The following BCR variants were observed in gnomAD, a reference collection of about 807,000 sequenced individuals.
BCR encodes the protein breakpoint cluster region protein.
Under a neutral mutation model 138.6 loss-of-function variants are expected in BCR, and 58 were observed. That is an observed-to-expected ratio of 0.42 (90% CI 0.34 to 0.52). The LOEUF (loss-of-function observed/expected upper bound fraction) is 0.52, where lower values mean the gene tolerates loss of function less well. BCR is among the 20% of genes least tolerant of loss of function. The pLI is 0.06. For missense variants in BCR, 1,599 were observed against 1,727.2 expected (o/e 0.93, Z 1.32); for synonymous variants, 786 against 730.1 (o/e 1.08, Z -1.23).
At chr22:23,219,358 C>T (rs531552750) in intron 1 of BCR, among the ~76,000 whole-genome samples, 1 of 152,152 alleles carries the variant, frequency 6.6e-6, no homozygotes, top group Non-Finnish European at 1.5e-5. Context: ...ACAAAGCCTC[C>T]CCCCGGATCC....
rs2073352027 is a variant in BCR, at chr22:23,261,181, A to G, written c.1566+127A>G. On this transcript the variant is annotated intron_variant, in intron 3 of 22. Transcript: ENST00000305877. ...GTGCAGCTCGCCATCCCTGGAGTGGATACCAGTGGAAGACTGAGTTGCCAA... is the reference window on the plus strand; with the variant it reads ...GTGCAGCTCGCCATCCCTGGAGTGGGTACCAGTGGAAGACTGAGTTGCCAA... 1.7e-6 allele frequency: 2 copies of G among 1,205,494 alleles called. No individual in the cohort carries two copies. The highest frequency in any genetic ancestry group is 2.4e-6 in the Non-Finnish European group (2 of 841,472). The allele number at this position is 1,205,494 out of a possible 1,614,324, so 74.7% of individuals were successfully genotyped here. A position where few individuals can be genotyped will look rare whatever the true frequency, so the allele number is the denominator to read the frequency against.
intron 16 of BCR, among the ~76,000 whole-genome samples, 159 bp from the exon 17 acceptor site, chr22:23,309,265 T>G (rs1443631864): frequency 6.6e-6 from 1 of 152,144 alleles, no homozygotes; most frequent in Non-Finnish European, 1.5e-5. Context: ...GGCAGGCCCC[T>G]CCTTACTCTA....
chr22:23,199,051 G>A (rs2072515930), intron 1 of BCR, among the ~76,000 whole-genome samples: 1 of 151,968 alleles, frequency 6.6e-6, no homozygotes, highest in Non-Finnish European at 1.5e-5. Context: ...GAACCTGGGA[G>A]GCAGAGGTTG....
chr22:23,285,228 G>A (rs1429689750), intron 10 of BCR, 27 bp downstream of exon 10: 9 of 1,595,338 alleles, frequency 5.6e-6, no homozygotes, highest in Non-Finnish European at 7.7e-6. Flanking sequence ...CAAGGGCCGG[G>A]TTTGGTGTGG....
intron 1 of BCR, among the ~76,000 whole-genome samples, chr22:23,205,642 A>ATTTTTT (rs112193385): frequency 6.9e-6 from 1 of 144,008 alleles, no homozygotes. Flanking sequence ...TGAACCAATA[A>ATTTTTT]TTTTTTTTTT....
At chr22:23,198,347 T>G in intron 1 of BCR, 1 of 439,944 alleles carries the variant, frequency 2.3e-6, no homozygotes, top group Non-Finnish European at 4.4e-6. Flanking sequence ...TGGGCTGGAG[T>G]CCCAGGGGGA....
intron 1 of BCR, among the ~76,000 whole-genome samples, chr22:23,240,019 T>C (rs1217857545): frequency 6.6e-5 from 10 of 152,074 alleles, no homozygotes; most frequent in East Asian, 1.9e-4. Flanking sequence ...GTTCTTGTTA[T>C]GTTGTCCAGG....
chr22:23,262,864 AC>A, intron 4 of BCR: 2 of 1,048,902 alleles, frequency 1.9e-6, no homozygotes, highest in South Asian at 4.0e-5. Context: ...CGGGCCGCAG[AC>A]GGCGAAGGAG....
intron 4 of BCR, chr22:23,264,485 C>T (rs1480761818): frequency 1.0e-5 from 6 of 584,560 alleles, no homozygotes; most frequent in Non-Finnish European, 1.5e-5. Context: ...GACCCCAGTG[C>T]TCAGGCACCT....
intron 2 of BCR, 145 bp from the exon 3 acceptor site, chr22:23,260,805 G>C: frequency 5.3e-6 from 4 of 761,608 alleles, no homozygotes; most frequent in Non-Finnish European, 9.1e-6. Context: ...AGGGTCCCCT[G>C]CCTCCCTTTA....
At chr22:23,194,809 C>A (rs1177997370) in intron 1 of BCR, among the ~76,000 whole-genome samples, 1 of 152,082 alleles carries the variant, frequency 6.6e-6, no homozygotes, top group Non-Finnish European at 1.5e-5. Context: ...GGCATGGTGG[C>A]ATGTGCCCGT....
At chr22:23,195,627 C>G (rs564111526) in intron 1 of BCR, among the ~76,000 whole-genome samples, 1 of 152,142 alleles carries the variant, frequency 6.6e-6, no homozygotes, top group African/African-American at 2.4e-5. Context: ...TGGCTCGCGC[C>G]TGTAATCCCA....
intron 1 of BCR, among the ~76,000 whole-genome samples, chr22:23,215,138 A>C (rs1381010912): frequency 6.6e-6 from 1 of 152,204 alleles, no homozygotes; most frequent in African/African-American, 2.4e-5. Context: ...CTCAAGTTTC[A>C]TCCTTGCCTT....
At chr22:23,295,606 C>G (rs1247382572) in intron 16 of BCR, among the ~76,000 whole-genome samples, 3 of 152,098 alleles carry the variant, frequency 2.0e-5, no homozygotes, top group Non-Finnish European at 4.4e-5. Flanking sequence ...GACCCAATTT[C>G]TAGGGTATAG....
chr22:23,253,570 C>T (rs9608091), intron 1 of BCR, among the ~76,000 whole-genome samples: 38,921 of 152,160 alleles, frequency 0.26, 5,608 homozygotes, highest in African/African-American at 0.37. Flanking sequence ...CAGGGGCAGA[C>T]GTATCTCAGA....
At chr22:23,264,276 G>T in intron 4 of BCR, 1 of 918,370 alleles carries the variant, frequency 1.1e-6, no homozygotes. Flanking sequence ...CGGCAGCCCT[G>T]TGTACTGCCT....
chr22:23,211,434 G>C (rs1344474373), intron 1 of BCR, among the ~76,000 whole-genome samples: 1 of 151,828 alleles, frequency 6.6e-6, no homozygotes, highest in African/African-American at 2.4e-5. Context: ...TCCTGACCTC[G>C]TGATCCGCCT....
intron 4 of BCR, chr22:23,262,994 G>A (rs1602078000): frequency 1.1e-6 from 1 of 884,572 alleles, no homozygotes. Flanking sequence ...GGAGCGTAGG[G>A]GCCGGGAAAG....
intron 1 of BCR, among the ~76,000 whole-genome samples, chr22:23,207,028 A>G (rs897381393): frequency 2.7e-5 from 4 of 147,046 alleles, no homozygotes; most frequent in African/African-American, 1.0e-4. Flanking sequence ...TCCATTCAAC[A>G]TTGAACTATC....
Sources: allele counts gnomAD v4.1 joint callset (sites outside exome capture counted in the v4.1 genomes callset), GRCh38; gene constraint gnomAD v4.1.1; transcripts MANE v1.5; gene names NCBI Gene and HGNC (gene_info 2026-07-23, HGNC 2026-07-21).